The following WDR7 variants were observed in gnomAD, a reference collection of about 807,000 sequenced individuals.
WDR7 encodes the protein WD repeat domain 7.
WDR7 carries 46 observed loss-of-function variants against 169.4 expected under a neutral mutation model. The ratio of observed to expected loss-of-function variants is 0.27; its 90% CI spans 0.21 to 0.35. The LOEUF is 0.35. WDR7 is among the 10% of genes least tolerant of loss of function. WDR7 has a pLI of 1.00. For missense variants in WDR7, 1,534 were observed against 1,859.3 expected (o/e 0.83, Z 3.22); for synonymous variants, 612 against 666.8 (o/e 0.92, Z 1.27).
intron 21 of WDR7, among the ~76,000 whole-genome samples, chr18:56,889,184 G>A (rs2046234230): frequency 6.6e-6 from 1 of 152,168 alleles, no homozygotes; most frequent in Admixed American, 6.5e-5. Context: ...GTCATGATGG[G>A]GAGGAGATGG....
At chr18:56,895,684 A>G (rs1296603108) in intron 21 of WDR7, among the ~76,000 whole-genome samples, 1 of 151,836 alleles carries the variant, frequency 6.6e-6, no homozygotes, top group Non-Finnish European at 1.5e-5. Flanking sequence ...ATGTACCCCT[A>G]AATATGTATA....
At chr18:56,801,869 T>C (rs9972975) in intron 19 of WDR7, among the ~76,000 whole-genome samples, 20,928 of 152,150 alleles carry the variant, frequency 0.14, 2,302 homozygotes, top group African/African-American at 0.31. Context: ...ACATCTGGGT[T>C]GTTTCCAGAT....
chr18:56,871,046 A>G (rs1438583598), intron 20 of WDR7, among the ~76,000 whole-genome samples: 1 of 152,200 alleles, frequency 6.6e-6, no homozygotes, highest in Non-Finnish European at 1.5e-5. Context: ...TGAAAATTTT[A>G]GAAGAATATT....
chr18:56,763,838 C>T (rs1378254086), intron 16 of WDR7, among the ~76,000 whole-genome samples: 1 of 152,034 alleles, frequency 6.6e-6, no homozygotes, highest in African/African-American at 2.4e-5. Context: ...AATTTATCAG[C>T]AAAAAGTTGT....
intron 22 of WDR7, among the ~76,000 whole-genome samples, chr18:56,928,509 C>T (rs1213244124): frequency 2.0e-5 from 3 of 152,158 alleles, no homozygotes; most frequent in Non-Finnish European, 4.4e-5. Context: ...TCCCAATTAT[C>T]TCAGGGGAAT....
At chr18:56,862,440 A>G (rs771908050) in intron 20 of WDR7, among the ~76,000 whole-genome samples, 3 of 151,516 alleles carry the variant, frequency 2.0e-5, no homozygotes, top group Non-Finnish European at 4.4e-5. Context: ...TCAACATAGC[A>G]TACTCACTAC....
chr18:56,723,366 T>G (rs1297595825), intron 13 of WDR7, among the ~76,000 whole-genome samples: 3 of 152,142 alleles, frequency 2.0e-5, no homozygotes, highest in African/African-American at 7.2e-5. Context: ...ATTTTTCTTT[T>G]GTCTAATACT....
chr18:56,788,758 A>G (rs572454905), intron 19 of WDR7, among the ~76,000 whole-genome samples: 1 of 152,312 alleles, frequency 6.6e-6, no homozygotes, highest in South Asian at 2.1e-4. Context: ...AGCTAAAACT[A>G]AAGGATGAGG....
chr18:56,817,355 A>G (rs1256381995), intron 20 of WDR7, among the ~76,000 whole-genome samples: 1 of 151,930 alleles, frequency 6.6e-6, no homozygotes, highest in Non-Finnish European at 1.5e-5. Context: ...AAAAAAAAAA[A>G]AAAAGAAAAA....
At chr18:56,726,902 C>A (rs968018250) in intron 13 of WDR7, among the ~76,000 whole-genome samples, 1 of 152,054 alleles carries the variant, frequency 6.6e-6, no homozygotes, top group African/African-American at 2.4e-5. Context: ...TCAAGTGGTT[C>A]TTTCCTTGGC....
chr18:56,776,401 T>C (rs1475353167), intron 16 of WDR7, among the ~76,000 whole-genome samples: 1 of 152,152 alleles, frequency 6.6e-6, no homozygotes, highest in Admixed American at 6.5e-5. Context: ...TAACTGACAA[T>C]ATGAAGACCA....
chr18:56,827,156 GAGA>G (rs2045220596), intron 20 of WDR7, among the ~76,000 whole-genome samples: 1 of 152,166 alleles, frequency 6.6e-6, no homozygotes, highest in Non-Finnish European at 1.5e-5. Flanking sequence ...TGGAGGGAGT[GAGA>G]AGAAGAATGG....
chr18:56,697,732 T>C (rs2025734273), intron 12 of WDR7, among the ~76,000 whole-genome samples: 1 of 152,230 alleles, frequency 6.6e-6, no homozygotes, highest in Non-Finnish European at 1.5e-5. Context: ...GTGAAATATC[T>C]AATTTTTCAA....
rs912205557 is a variant in WDR7 at position 56,694,668 on chromosome 18, A to G, written c.1016A>G (p.Tyr339Cys). ...CGGTTCTTCTATGGATGCAGAGAAT[A>G]TTTCCATAAACTGTTAATTCAGGGT... Reference protein sequence around the residue: ...VTRFFYGCREYFHKLLIQGDS... With the variant: ...VTRFFYGCRECFHKLLIQGDS... Residue 339 changes from tyrosine to cysteine, a missense_variant, in exon 10 of 28, where the codon TAT becomes TGT. Transcript: ENST00000254442. 6.2e-7 allele frequency: 1 copy of G among 1,613,176 alleles called. No homozygotes were observed. The highest frequency in any genetic ancestry group is 8.5e-7 in the Non-Finnish European group (1 of 1,179,462).
chr18:56,780,610 A>G (rs767327743), intron 18 of WDR7, among the ~76,000 whole-genome samples: 2 of 152,114 alleles, frequency 1.3e-5, no homozygotes, highest in Non-Finnish European at 2.9e-5. Flanking sequence ...AGCCTGGGCA[A>G]CATGGTGAAA....
intron 19 of WDR7, among the ~76,000 whole-genome samples, chr18:56,788,925 G>A (rs544170119): frequency 6.6e-6 from 1 of 152,292 alleles, no homozygotes; most frequent in African/African-American, 2.4e-5. Flanking sequence ...GAGGCAGAAA[G>A]AGTTTGTCTA....
chr18:56,790,505 A>G (rs1803987019), intron 19 of WDR7, among the ~76,000 whole-genome samples: 1 of 152,210 alleles, frequency 6.6e-6, no homozygotes, highest in African/African-American at 2.4e-5. Context: ...AGAAAATTAT[A>G]TTAACCTATT....
At chr18:56,789,372 A>G (rs1178833072) in intron 19 of WDR7, among the ~76,000 whole-genome samples, 2 of 152,220 alleles carry the variant, frequency 1.3e-5, no homozygotes, top group Non-Finnish European at 2.9e-5. Context: ...TATCAAGTTA[A>G]TTCTGTATGT....
At chr18:56,927,535 G>C (rs1397403017) in intron 22 of WDR7, among the ~76,000 whole-genome samples, 3 of 152,102 alleles carry the variant, frequency 2.0e-5, no homozygotes, top group African/African-American at 7.2e-5. Flanking sequence ...GATTGCTTGA[G>C]CCAAGAAGTT....
Sources: allele counts gnomAD v4.1 joint callset (sites outside exome capture counted in the v4.1 genomes callset), GRCh38; gene constraint gnomAD v4.1.1; transcripts MANE v1.5; gene names NCBI Gene and HGNC (gene_info 2026-07-23, HGNC 2026-07-21).